Variants in LTBP1 observed in about 807,000 individuals in gnomAD.
The protein encoded by LTBP1 is latent transforming growth factor beta binding protein 1, also known as latent-transforming growth factor beta-binding protein 1.
In LTBP1, 129 loss-of-function variants were observed where a neutral mutation model predicts 207.6. The ratio of observed to expected loss-of-function variants is 0.62; its 90% CI spans 0.54 to 0.72. The LOEUF (loss-of-function observed/expected upper bound fraction) is 0.72. Ranked by LOEUF, LTBP1 falls within the 30% of genes least tolerant of loss-of-function variation. LTBP1 has a pLI of 0.00. For synonymous variants in LTBP1, 963 were observed against 833.7 expected, an observed-to-expected ratio of 1.16 and a Z score of -2.67; for missense variants, 2,281 against 2,217.2, an observed-to-expected ratio of 1.03 and a Z score of -0.58.
intron 26 of LTBP1, among the ~76,000 whole-genome samples, chr2:33,358,649 C>A (rs56284019): frequency 6.6e-6 from 1 of 151,936 alleles, no homozygotes. Flanking sequence ...TAGAATAAAC[C>A]CGATTACCAA....
At chr2:33,073,816 A>G (rs2077931646) in intron 3 of LTBP1, among the ~76,000 whole-genome samples, 1 of 152,078 alleles carries the variant, frequency 6.6e-6, no homozygotes, top group Non-Finnish European at 1.5e-5. Context: ...TAGTAGAGAC[A>G]GGGTTTCACC....
intron 5 of LTBP1, among the ~76,000 whole-genome samples, chr2:33,184,781 GTTTT>G (rs34063170): frequency 7.3e-6 from 1 of 136,378 alleles, no homozygotes. Context: ...AGTATTTTCT[GTTTT>G]TTTTTTTTTT....
chr2:33,254,439 T>C (rs1474015147), intron 11 of LTBP1, among the ~76,000 whole-genome samples: 1 of 152,010 alleles, frequency 6.6e-6, no homozygotes, highest in Non-Finnish European at 1.5e-5. Context: ...TCCTCTCTAG[T>C]ACTATCAATA....
At chr2:33,122,404 A>G (rs986787698) in intron 4 of LTBP1, among the ~76,000 whole-genome samples, 2 of 152,190 alleles carry the variant, frequency 1.3e-5, no homozygotes, top group African/African-American at 2.4e-5. Context: ...AAGTGATACT[A>G]TGGGTGACCT....
At chr2:33,193,749 T>C (rs988615832) in intron 7 of LTBP1, among the ~76,000 whole-genome samples, 1 of 152,154 alleles carries the variant, frequency 6.6e-6, no homozygotes. Context: ...GTTACTATTG[T>C]AATTGTTTTG....
intron 31 of LTBP1, among the ~76,000 whole-genome samples, chr2:33,375,107 G>A (rs1417188683): frequency 6.6e-6 from 1 of 152,186 alleles, no homozygotes; most frequent in African/African-American, 2.4e-5. Flanking sequence ...TTGATGTAAT[G>A]TGATCCGTAT....
chr2:33,146,819 C>T (rs947863828), intron 5 of LTBP1, among the ~76,000 whole-genome samples: 39 of 152,182 alleles, frequency 2.6e-4, no homozygotes, highest in Non-Finnish European at 5.0e-4. Flanking sequence ...AGGGAAAGTT[C>T]GCCCCCATGA....
At chr2:33,071,456 TG>T (rs1354063437) in intron 3 of LTBP1, among the ~76,000 whole-genome samples, 1 of 152,342 alleles carries the variant, frequency 6.6e-6, no homozygotes, top group East Asian at 1.9e-4. Context: ...TGCAAGAATC[TG>T]GACTACCAGG....
intron 2 of LTBP1, among the ~76,000 whole-genome samples, chr2:32,996,986 G>A (rs2148924647): frequency 6.6e-6 from 1 of 152,208 alleles, no homozygotes; most frequent in Middle Eastern, 3.4e-3. Flanking sequence ...CTGGGTCCAA[G>A]CGATTCTCAT....
chr2:33,086,642 G>A (rs1226016612), intron 3 of LTBP1, among the ~76,000 whole-genome samples: 1 of 152,186 alleles, frequency 6.6e-6, no homozygotes, highest in Non-Finnish European at 1.5e-5. Flanking sequence ...CTTCTGGGCA[G>A]CACCGCACGG....
Position 32,967,816 on chromosome 2 carries a change from A to T in LTBP1, c.565+18871A>T, listed in dbSNP as rs753577217. Among the ~76,000 whole-genome samples, 6 of 152,320 alleles carry T rather than the reference A, an allele frequency of 3.9e-5. 1 individual carries two copies. The highest frequency in any genetic ancestry group is 2.0e-4 in the Admixed American group (3 of 15,300). On this transcript the variant is annotated intron_variant, in intron 2 of 33. Transcript: ENST00000404816. ...TGTCGTTGGATGAAGTAGTAAATAC[A>T]TGTCAGTTATTTTCAGCTAGTTGAT...
intron 3 of LTBP1, among the ~76,000 whole-genome samples, chr2:33,070,745 G>T (rs2077746959): frequency 6.6e-6 from 1 of 152,224 alleles, no homozygotes; most frequent in African/African-American, 2.4e-5. Flanking sequence ...AGGCAGGGCT[G>T]TGCCTTTCTT....
At chr2:32,954,962 T>C (rs1677840771) in intron 2 of LTBP1, among the ~76,000 whole-genome samples, 1 of 152,220 alleles carries the variant, frequency 6.6e-6, no homozygotes, top group South Asian at 2.1e-4. Flanking sequence ...TTACTGGGGC[T>C]CTTTTAAAGA....
chr2:33,302,870 C>A (rs2094011378), intron 22 of LTBP1, among the ~76,000 whole-genome samples: 1 of 151,690 alleles, frequency 6.6e-6, no homozygotes, highest in African/African-American at 2.4e-5. Flanking sequence ...CAAGACCAGC[C>A]TGGCCAACAT....
chr2:33,040,648 T>C (rs971844684), intron 3 of LTBP1, among the ~76,000 whole-genome samples: 2 of 152,212 alleles, frequency 1.3e-5, no homozygotes, highest in African/African-American at 4.8e-5. Flanking sequence ...CACTTTGTGT[T>C]CCTGCCTGTC....
intron 3 of LTBP1, among the ~76,000 whole-genome samples, chr2:33,050,114 G>T (rs570033303): frequency 2.0e-5 from 3 of 151,208 alleles, no homozygotes; most frequent in Admixed American, 6.6e-5. Context: ...AAAGTGCTGG[G>T]ATTATAGGCG....
At chr2:33,274,177 T>C (rs1482218300) in intron 16 of LTBP1, among the ~76,000 whole-genome samples, 3 of 152,100 alleles carry the variant, frequency 2.0e-5, no homozygotes, top group East Asian at 3.8e-4. Flanking sequence ...TTTAAAGGGA[T>C]TTTAAAATTG....
At chr2:33,328,098 G>A (rs2094449796) in intron 24 of LTBP1, among the ~76,000 whole-genome samples, 1 of 139,092 alleles carries the variant, frequency 7.2e-6, no homozygotes, top group South Asian at 2.3e-4. Context: ...TCACGCCACT[G>A]CACTCTAGCT....
rs909138802 is a variant in LTBP1, at chr2:33,252,958, T to G, written c.2167+114T>G. On this transcript the variant is annotated intron_variant, in intron 11 of 33. Transcript: ENST00000404816. ...CTGACTTTAATTTTTAATAATACAT[T>G]GTAAATATTTAATCACCTTTGTAGA... is the stretch of plus-strand genomic sequence containing the variant. 8 of 805,052 alleles carry G rather than the reference T, an allele frequency of 9.9e-6. No individual in the cohort carries two copies. The East Asian group carries it at 1.1e-4, about 11-fold the overall frequency. The allele number at this position is 805,052 out of a possible 1,614,324, so 49.9% of individuals were successfully genotyped here.
Sources: gnomAD v4.1 joint callset for allele counts (sites outside exome capture counted in the v4.1 genomes callset) on GRCh38, gnomAD v4.1.1 for gene constraint, MANE v1.5 for transcripts, NCBI Gene and HGNC (gene_info 2026-07-23, HGNC 2026-07-21) for gene names.